ADAP1: variants seen among roughly 807,000 people sequenced by gnomAD.
ADAP1 encodes the protein ArfGAP with dual PH domains 1.
ADAP1 carries 31 observed loss-of-function variants against 54.9 expected under a neutral mutation model. That is an observed-to-expected ratio of 0.56 (90% CI 0.42 to 0.76). The LOEUF (loss-of-function observed/expected upper bound fraction) is 0.76, where lower values mean the gene tolerates loss of function less well. Among genes scored for constraint, ADAP1 ranks in the 30% least tolerant of loss-of-function variants. The probability of loss-of-function intolerance (pLI) is 0.00; values close to 1 mark genes in which losing one functional copy is unlikely to be tolerated. For missense variants in ADAP1, 535 were observed against 512.4 expected (o/e 1.04, Z -0.42); for synonymous variants, 313 against 202.6 (o/e 1.55, Z -4.63).
chr7:915,834 G>A (rs1244981021), intron 4 of ADAP1, among the ~76,000 whole-genome samples: 4 of 151,900 alleles, frequency 2.6e-5, no homozygotes, highest in African/African-American at 4.8e-5. Context: ...GACGCTGTCT[G>A]CCACCCGCCT....
At chr7:935,907 C>A (rs998819754) in intron 1 of ADAP1, among the ~76,000 whole-genome samples, 2 of 152,208 alleles carry the variant, frequency 1.3e-5, no homozygotes, top group African/African-American at 4.8e-5. Flanking sequence ...CCGAATCCTC[C>A]TGGGTGATGG....
intron 3 of ADAP1, chr7:922,839 A>G (rs1583165072): frequency 2.7e-5 from 2 of 74,590 alleles, no homozygotes. Context: ...CCTGCCTCTC[A>G]GCAACACCCC....
chr7:927,270 G>C, intron 2 of ADAP1: 7 of 1,234,842 alleles, frequency 5.7e-6, no homozygotes, highest in South Asian at 1.4e-5. Flanking sequence ...CAGGAGGCTC[G>C]TGCTCCAGGA....
Position 904,327 on chromosome 7 carries a change from G to C in ADAP1, c.502-55C>G, listed in dbSNP as rs143505529. ...CAGGGGCCGTCGTCCAAGCTCAAGG[G>C]AGCAGGAAGGGCAGACCCTGTGGGT... On this transcript the variant is annotated intron_variant, in intron 5 of 10. Transcript: ENST00000265846. 2.6e-6 allele frequency: 4 copies of C among 1,522,088 alleles called. No individual in the cohort carries two copies. The South Asian group carries it at 5.1e-5, about 20-fold the overall frequency. 94.3% of individuals were successfully genotyped at this position (1,522,088 alleles called of 1,614,324 possible).
chr7:930,991 AAAAG>A lies in ADAP1; in HGVS notation c.214-4351_214-4348del, dbSNP rs1379920971. Among the ~76,000 whole-genome samples, 578 of 151,146 alleles carry A rather than the reference AAAAG, an allele frequency of 3.8e-3. 5 individuals are homozygous for A. The highest frequency in any genetic ancestry group is 0.014 in the African/African-American group (557 of 41,128). ...TCAGACTGTGTCTCAAAAAAAAAAA[AAAAG>A]AGAAAGGAAGGAAGGAAGGAGGGTA... On this transcript the variant is annotated intron_variant, in intron 2 of 10. Coordinates refer to ENST00000265846, the MANE Select transcript of ADAP1 (RefSeq NM_006869.4).
At chr7:928,874 G>A (rs897207450) in intron 2 of ADAP1, among the ~76,000 whole-genome samples, 3 of 152,232 alleles carry the variant, frequency 2.0e-5, no homozygotes, top group Admixed American at 6.5e-5. Context: ...GCAGAGACAT[G>A]CACATGAGTG....
At chr7:951,407 G>A (rs911841698) in intron 1 of ADAP1, among the ~76,000 whole-genome samples, 5 of 150,444 alleles carry the variant, frequency 3.3e-5, no homozygotes, top group Non-Finnish European at 7.4e-5. Context: ...TAGTTGGGCC[G>A]CTGCCCTGGG....
At chr7:906,776 AG>A (rs74195365) in intron 4 of ADAP1, among the ~76,000 whole-genome samples, 345 of 20,994 alleles carry the variant, frequency 0.016, 22 homozygotes, top group African/African-American at 0.019. Flanking sequence ...CATGGGGGAC[AG>A]GGGACACGGG....
intron 4 of ADAP1, among the ~76,000 whole-genome samples, chr7:911,500 G>A (rs945426811): frequency 1.3e-5 from 2 of 151,924 alleles, no homozygotes; most frequent in Non-Finnish European, 2.9e-5. Flanking sequence ...CAAGAACAGC[G>A]AACCCTGACT....
intron 6 of ADAP1, chr7:900,921 G>A: frequency 1.7e-6 from 1 of 572,086 alleles, no homozygotes. Context: ...GTCGGGGGCT[G>A]CCATCCAAGC....
chr7:920,607 G>A lies in ADAP1; in HGVS notation c.306-557C>T, dbSNP rs967984689. On this transcript the variant is annotated intron_variant, in intron 3 of 10. Coordinates refer to ENST00000265846, the MANE Select transcript of ADAP1 (RefSeq NM_006869.4). The surrounding 1 kb of genome is among the most constrained non-coding windows in gnomAD (Gnocchi z 4.5). Reference sequence around the variant, plus strand: ...ATCAGGGCACCCGTCGAGGTCAGGAGGCGTCCGGGGCATCAGGAGAAACTA... The same window carrying A: ...ATCAGGGCACCCGTCGAGGTCAGGAAGCGTCCGGGGCATCAGGAGAAACTA... Among the ~76,000 whole-genome samples the A allele has an allele frequency of 3.9e-5, 6 of 152,074 alleles. No individual in the cohort carries two copies. Among genetic ancestry groups the A allele is most frequent in the Non-Finnish European group, 7.4e-5 (5 of 67,992 alleles).
chr7:940,080 C>G (rs1473072071), intron 1 of ADAP1, among the ~76,000 whole-genome samples: 1 of 152,144 alleles, frequency 6.6e-6, no homozygotes, highest in African/African-American at 2.4e-5. Flanking sequence ...GTCACATCCT[C>G]CTTGGTATTT....
In ADAP1 at chr7:926,641, T is replaced by A; in HGVS notation, c.217A>T (p.Met73Leu). 1 of 1,541,736 alleles carries A rather than the reference T, an allele frequency of 6.5e-7. No homozygotes were observed. The highest frequency in any genetic ancestry group is 2.5e-5 in the East Asian group (1 of 39,786). The change falls in exon 3 of 11, where the codon ATG becomes TTG. Residue 73 changes from methionine to leucine, a missense_variant. Physicochemically the swap from Met to Leu is conservative, Grantham distance 15 (BLOSUM62 2). Transcript: ENST00000265846. This position sits in a 1 kb window ranked among gnomAD's most constrained non-coding sequence, Gnocchi z 4.6. ...GCGGCGTCGTTCCCGTGGGAGGCCATGAACTGCAAGAGAGGAGGGGCCGGG... is the reference window on the plus strand; with the variant it reads ...GCGGCGTCGTTCCCGTGGGAGGCCAAGAACTGCAAGAGAGGAGGGGCCGGG... ...DAWEEAQVEF[M>L]ASHGNDAARA...
At chr7:900,880 CG>C (rs1562906169) in intron 6 of ADAP1, 40 of 580,532 alleles carry the variant, frequency 6.9e-5, no homozygotes, top group Non-Finnish European at 1.1e-4. Context: ...GCCGAAGGGC[CG>C]AAGGGCCGGG....
intron 4 of ADAP1, 117 bp downstream of exon 4, chr7:919,851 G>A (rs1846114175): frequency 6.7e-6 from 2 of 296,534 alleles, no homozygotes; most frequent in Non-Finnish European, 6.1e-6. Flanking sequence ...GGGAGGGAGG[G>A]AAAGAGATGG....
chr7:937,502 G>A (rs867230206), intron 1 of ADAP1, among the ~76,000 whole-genome samples: 4 of 24,858 alleles, frequency 1.6e-4, no homozygotes, highest in African/African-American at 1.6e-3. Context: ...GTCATGCCCG[G>A]CCTCTGGGAT....
intron 3 of ADAP1, among the ~76,000 whole-genome samples, chr7:924,125 C>T (rs1405115399): frequency 7.6e-5 from 3 of 39,696 alleles, no homozygotes; most frequent in African/African-American, 2.8e-4. Flanking sequence ...GTCCACGCTG[C>T]ACCCCCCGCC....
chr7:936,331 G>T (rs1057469925), intron 1 of ADAP1, among the ~76,000 whole-genome samples: 5 of 152,152 alleles, frequency 3.3e-5, no homozygotes, highest in African/African-American at 9.7e-5. Context: ...CTCCCGAGTA[G>T]CGAGGCACGC....
intron 1 of ADAP1, among the ~76,000 whole-genome samples, chr7:940,085 G>A (rs1182243397): frequency 6.6e-6 from 1 of 152,082 alleles, no homozygotes; most frequent in Non-Finnish European, 1.5e-5. Context: ...ATCCTCCTTG[G>A]TATTTGTGTG....
Sources: gnomAD v4.1 joint callset for allele counts (sites outside exome capture counted in the v4.1 genomes callset) on GRCh38, gnomAD v4.1.1 for gene constraint, Gnocchi (gnomAD v3.1) non-coding constraint, MANE v1.5 for transcripts, NCBI Gene and HGNC (gene_info 2026-07-23, HGNC 2026-07-21) for gene names.